ITIH5: variants seen among roughly 807,000 people sequenced by gnomAD.
ITIH5 encodes inter-alpha-trypsin inhibitor heavy chain 5.
Under a neutral mutation model 77.5 loss-of-function variants are expected in ITIH5, and 65 were observed. That is an observed-to-expected ratio of 0.84 (90% CI 0.69 to 1.03). The LOEUF is 1.03. ITIH5 is among the 50% of genes least tolerant of loss of function. The pLI, the probability that ITIH5 is intolerant of heterozygous loss-of-function variation, is 0.00. For missense variants in ITIH5, 1,208 were observed against 1,213.1 expected (o/e 1.00, Z 0.06); for synonymous variants, 525 against 494.3 (o/e 1.06, Z -0.82).
At chr10:7,570,837 G>A (rs749741424) in intron 11 of ITIH5, among the ~76,000 whole-genome samples, 8 of 152,082 alleles carry the variant, frequency 5.3e-5, no homozygotes, top group Non-Finnish European at 7.4e-5. Context: ...GCCCAGGCTG[G>A]TCTCAAACTC....
intron 5 of ITIH5, among the ~76,000 whole-genome samples, chr10:7,629,678 T>G (rs1029248196): frequency 6.6e-6 from 1 of 152,256 alleles, no homozygotes. Flanking sequence ...CTGGATAATA[T>G]TCCATTGTAC....
chr10:7,617,572 A>G lies in ITIH5; in HGVS notation c.653-290T>C, dbSNP rs138427473. The G allele has an allele frequency of 2.3e-5, 5 of 218,024 alleles. No individual in the cohort carries two copies. The East Asian group carries it at 3.8e-4, about 16-fold the overall frequency. The allele number at this position is 218,024 out of a possible 1,614,324, so 13.5% of individuals were successfully genotyped here. ...CCATCACCCAACTTTAACAAACATC[A>G]GCATGTTACCAACCTTTTGTATGTT... On this transcript the variant is annotated intron_variant, in intron 5 of 13. Transcript: ENST00000397146.
chr10:7,608,880 T>C (rs1833185848), intron 7 of ITIH5, among the ~76,000 whole-genome samples: 1 of 152,218 alleles, frequency 6.6e-6, no homozygotes, highest in Admixed American at 6.5e-5. Context: ...TTTTTCACAA[T>C]ACTAGCCTGC....
At chr10:7,617,791 T>C (rs1312491741) in intron 5 of ITIH5, 2 of 152,238 alleles carry the variant, frequency 1.3e-5, no homozygotes, top group African/African-American at 2.4e-5. Flanking sequence ...TATTTAAATT[T>C]ATCTGATTCC....
chr10:7,585,838 AAAC>A (rs2130976269), intron 8 of ITIH5, 60 bp downstream of exon 8: 103 of 1,448,172 alleles, frequency 7.1e-5, no homozygotes, highest in East Asian at 3.8e-4. Context: ...AAAAAAAAAA[AAAC>A]CAAAAAAAAA....
chr10:7,644,570 T>C (rs117642834), intron 2 of ITIH5, among the ~76,000 whole-genome samples: 16,003 of 73,936 alleles, frequency 0.22, 1,573 homozygotes, highest in East Asian at 0.4. Flanking sequence ...ATATATGATA[T>C]ATATCACATA....
intron 7 of ITIH5, among the ~76,000 whole-genome samples, chr10:7,613,136 T>C (rs111695245): frequency 2.6e-5 from 4 of 151,864 alleles, no homozygotes; most frequent in Non-Finnish European, 5.9e-5. Context: ...TCTCAGCTAC[T>C]TGGGGGAACT....
At chr10:7,597,013 T>TCCAGC (rs1339428486) in intron 7 of ITIH5, among the ~76,000 whole-genome samples, 2 of 115,360 alleles carry the variant, frequency 1.7e-5, no homozygotes, top group Non-Finnish European at 3.3e-5. Flanking sequence ...GCCACTGCAC[T>TCCAGC]CCAGCCTGGG....
intron 8 of ITIH5, among the ~76,000 whole-genome samples, chr10:7,581,926 A>G (rs1832566730): frequency 7.0e-6 from 1 of 141,984 alleles, no homozygotes; most frequent in South Asian, 2.2e-4. Flanking sequence ...CCCAAGGTGG[A>G]ATGCAGTGGC....
At chr10:7,615,659 T>C (rs1195594312) in intron 7 of ITIH5, among the ~76,000 whole-genome samples, 1 of 152,232 alleles carries the variant, frequency 6.6e-6, no homozygotes, top group African/African-American at 2.4e-5. Flanking sequence ...GAATCATCGC[T>C]GAACAGAATT....
chr10:7,650,568 C>G (rs1032284435), intron 2 of ITIH5, among the ~76,000 whole-genome samples: 2 of 152,034 alleles, frequency 1.3e-5, no homozygotes, highest in African/African-American at 4.8e-5. Flanking sequence ...AACCCCGTCT[C>G]TATTAAAAAT....
intron 6 of ITIH5, among the ~76,000 whole-genome samples, chr10:7,616,769 A>G (rs923428368): frequency 2.0e-5 from 3 of 152,148 alleles, no homozygotes; most frequent in Non-Finnish European, 4.4e-5. Flanking sequence ...CGAAGGTTGC[A>G]GTGAGCCGAG....
chr10:7,573,189 A>C lies in ITIH5; in HGVS notation c.1985T>G (p.Leu662Trp), dbSNP rs770916418. The change falls in exon 11 of 14, where the codon TTG becomes TGG. Residue 662 changes from leucine to tryptophan, a missense_variant. Transcript: ENST00000397146. Reference protein sequence around the residue: ...VRGAGTQPGPLLKKPYQPRIK... With the variant: ...VRGAGTQPGPWLKKPYQPRIK... ...TCTTGGCTGGTATGGCTTCTTGAGC[A>C]AAGGTCCTAAAAGGGAGAAGGAAGA... is the stretch of plus-strand genomic sequence containing the variant. The C allele has an allele frequency of 6.2e-7, 1 of 1,612,720 alleles. No individual in the cohort carries two copies. Among genetic ancestry groups the C allele is most frequent in the Non-Finnish European group, 8.5e-7 (1 of 1,178,734 alleles).
rs1405269538 is a variant in ITIH5, at chr10:7,579,758, A to T, written c.1415T>A (p.Ile472Asn). Residue 472 changes from isoleucine (I) to asparagine (N), a missense_variant, in exon 9 of 14, where the codon ATC (isoleucine) becomes AAC (asparagine). Coordinates refer to ENST00000397146, the MANE Select transcript of ITIH5 (RefSeq NM_030569.7). The part of the protein sequence containing the change: ...HEEEDAGSQL[I>N]GFYDEIRTPL... ...CCTACGAAGACAGACCACAGACCCGATGAGCTGCGAGCCTGCGTCCTCCTC... is the reference window on the plus strand; with the variant it reads ...CCTACGAAGACAGACCACAGACCCGTTGAGCTGCGAGCCTGCGTCCTCCTC... 1 of 1,612,724 alleles carries T rather than the reference A, an allele frequency of 6.2e-7. No homozygotes were observed. Among genetic ancestry groups the T allele is most frequent in the African/African-American group, 1.3e-5 (1 of 74,920 alleles).
chr10:7,639,147 TGCCAC>T (rs1408381318), intron 4 of ITIH5, among the ~76,000 whole-genome samples: 1 of 152,172 alleles, frequency 6.6e-6, no homozygotes, highest in Non-Finnish European at 1.5e-5. Context: ...TTTAATAACT[TGCCAC>T]AGCAAGGGAG....
At chr10:7,571,042 A>T (rs1388075493) in intron 11 of ITIH5, among the ~76,000 whole-genome samples, 1 of 152,198 alleles carries the variant, frequency 6.6e-6, no homozygotes, top group East Asian at 1.9e-4. Flanking sequence ...CAGCAAACTA[A>T]CATCCCTGCA....
intron 12 of ITIH5, among the ~76,000 whole-genome samples, chr10:7,566,829 AGAG>A (rs1832182639): frequency 1.2e-5 from 1 of 83,284 alleles, no homozygotes. Context: ...AGGAAGAGGA[AGAG>A]GAAGAGGAAG....
chr10:7,595,335 G>T (rs1217026777), intron 7 of ITIH5, among the ~76,000 whole-genome samples: 1 of 80,024 alleles, frequency 1.2e-5, no homozygotes, highest in African/African-American at 3.1e-5. Flanking sequence ...CTTAGTAAAC[G>T]GAAAGAATAT....
intron 5 of ITIH5, among the ~76,000 whole-genome samples, chr10:7,625,326 G>A (rs962903612): frequency 7.9e-5 from 12 of 152,206 alleles, no homozygotes; most frequent in African/African-American, 2.2e-4. Context: ...ACAGAAAGGA[G>A]AACAGTGGTT....
Sources: gnomAD v4.1 joint callset for allele counts (sites outside exome capture counted in the v4.1 genomes callset) on GRCh38, gnomAD v4.1.1 for gene constraint, MANE v1.5 for transcripts, NCBI Gene and HGNC (gene_info 2026-07-23, HGNC 2026-07-21) for gene names.